ANXA5: variants seen among roughly 807,000 people sequenced by gnomAD.
ANXA5 encodes the protein annexin A5.
Under a neutral mutation model 48.1 loss-of-function variants are expected in ANXA5, and 40 were observed. The ratio of observed to expected loss-of-function variants is 0.83; its 90% CI spans 0.65 to 1.08. The LOEUF (loss-of-function observed/expected upper bound fraction) is 1.08, where lower values mean the gene tolerates loss of function less well. Ranked by LOEUF, ANXA5 falls within the 50% of genes least tolerant of loss-of-function variation. The pLI is 0.00. For synonymous variants in ANXA5, 113 were observed against 129.1 expected (o/e 0.88, Z 0.85); for missense variants, 357 against 376.8 (o/e 0.95, Z 0.44).
intron 3 of ANXA5, 107 bp from the exon 4 acceptor site, chr4:121,684,878 C>T (rs1225701582): frequency 2.1e-5 from 17 of 805,708 alleles, no homozygotes; most frequent in Non-Finnish European, 3.1e-5. Flanking sequence ...TCTCCCTATG[C>T]GAATATAAAA....
In ANXA5 at chr4:121,687,662, T is replaced by TA. The variant is rs1176250686; in HGVS notation, c.10-1291dup. ...TTTAAAAGATGACAACAGAGAGAGA[T>TA]AGCCATGGTGAAGAACTTCCCCAGG... On this transcript the variant is annotated intron_variant, in intron 2 of 12. Transcript: ENST00000296511. 8.5e-5 allele frequency among the ~76,000 whole-genome samples: 13 copies of TA among 152,298 alleles called. No homozygotes were observed. In the East Asian group the frequency reaches 2.1e-3, roughly 25 times the overall value.
chr4:121,677,375 T>C (rs764534199), intron 8 of ANXA5, among the ~76,000 whole-genome samples: 11 of 152,142 alleles, frequency 7.2e-5, no homozygotes, highest in Admixed American at 1.3e-4. Context: ...TATAAGTCAC[T>C]TAAGAGGAAA....
intron 8 of ANXA5, among the ~76,000 whole-genome samples, chr4:121,675,218 G>T (rs976135615): frequency 3.9e-5 from 6 of 152,240 alleles, no homozygotes; most frequent in African/African-American, 7.2e-5. Flanking sequence ...TTAAAAAGTG[G>T]ATTATCTACA....
intron 8 of ANXA5, 118 bp downstream of exon 8, chr4:121,677,776 C>A: frequency 2.2e-6 from 2 of 890,570 alleles, no homozygotes; most frequent in African/African-American, 1.7e-5. Context: ...ATGTAAATAA[C>A]CCATTAACAA....
At chr4:121,675,517 C>A (rs73844250) in intron 8 of ANXA5, among the ~76,000 whole-genome samples, 2 of 152,122 alleles carry the variant, frequency 1.3e-5, no homozygotes, top group African/African-American at 4.8e-5. Context: ...TTGAAAGAAT[C>A]AAAAATAATA....
At position 121,680,012 on chromosome 4, in the gene ANXA5, T is replaced by G. The variant is rs573104129; in HGVS notation, c.395-1518A>C. Among the ~76,000 whole-genome samples, 4 of 152,330 alleles carry G rather than the reference T, an allele frequency of 2.6e-5. No homozygotes were observed. In the East Asian group the frequency reaches 7.7e-4, roughly 29 times the overall value. Reference sequence around the variant, plus strand: ...TATTCATCCTGCCTAACTAAAATCGTGTATGCTTTGACCAATATTTCACCA... The same window carrying G: ...TATTCATCCTGCCTAACTAAAATCGGGTATGCTTTGACCAATATTTCACCA... On this transcript the variant is annotated intron_variant, in intron 6 of 12. Coordinates refer to ENST00000296511, the MANE Select transcript of ANXA5 (RefSeq NM_001154.4).
chr4:121,683,298 G>T, intron 5 of ANXA5, 66 bp downstream of exon 5: 1 of 911,320 alleles, frequency 1.1e-6, no homozygotes, highest in Non-Finnish European at 1.6e-6. Context: ...CAAATAAGAG[G>T]AAGTAATTAC....
intron 7 of ANXA5, 92 bp from the exon 8 acceptor site, chr4:121,678,042 C>T: frequency 1.1e-6 from 1 of 940,000 alleles, no homozygotes. Context: ...CAATAACACT[C>T]TTTCTCTAGG....
At position 121,678,271 on chromosome 4, in the gene ANXA5, C is replaced by A. The variant is rs916180738; in HGVS notation, c.474+144G>T. The A allele has an allele frequency of 1.2e-5, 8 of 682,494 alleles. No individual in the cohort carries two copies. The African/African-American group carries it at 1.3e-4, about 11-fold the overall frequency. 42.3% of individuals were successfully genotyped at this position (682,494 alleles called of 1,614,324 possible). A position where few individuals can be genotyped will look rare whatever the true frequency, so the allele number is the denominator to read the frequency against. On this transcript the variant is annotated intron_variant, in intron 7 of 12. Transcript: ENST00000296511. ...ATTCTGAAACACAAACAAGCACAGGCAACATACAGTCAGAATCATCGCAGT... is the reference window on the plus strand; with the variant it reads ...ATTCTGAAACACAAACAAGCACAGGAAACATACAGTCAGAATCATCGCAGT...
chr4:121,682,258 T>C (rs1456489052), intron 5 of ANXA5, among the ~76,000 whole-genome samples: 1 of 152,118 alleles, frequency 6.6e-6, no homozygotes, highest in Non-Finnish European at 1.5e-5. Flanking sequence ...AAGGTAACAA[T>C]AAATATAGCA....
rs1052361762 is a variant in ANXA5 at position 121,686,344 on chromosome 4, G to A, written c.38C>T (p.Pro13Leu). Residue 13 changes from proline (P) to leucine (L), a missense_variant, in exon 3 of 13, where the codon CCT becomes CTT. By Grantham distance (98) the Pro-to-Leu change is moderately conservative. Coordinates refer to ENST00000296511, the MANE Select transcript of ANXA5 (RefSeq NM_001154.4). Reference protein sequence around the residue: ...QVLRGTVTDFPGFDERADAET... With the variant: ...QVLRGTVTDFLGFDERADAET... ...TGCATCAGCCCGCTCATCAAATCCA[G>A]GGAAGTCAGTCACAGTGCCTCTGAG... The A allele has an allele frequency of 6.2e-7, 1 of 1,613,936 alleles. No homozygotes were observed.
In ANXA5 at chr4:121,672,646, A is replaced by T. The variant is rs561854322; in HGVS notation, c.532-20T>A. 8 of 1,571,002 alleles carry T rather than the reference A, an allele frequency of 5.1e-6. No individual in the cohort carries two copies. The Admixed American group carries it at 6.7e-5, about 13-fold the overall frequency. ...TAAAGCCTGCAAAAATTTCAAACTC[A>T]ATTAATAAATTGTTCCTCCATCTCA... On this transcript the variant is annotated intron_variant, in intron 8 of 12. Transcript: ENST00000296511.
intron 12 of ANXA5, 159 bp downstream of exon 12, chr4:121,669,443 T>C: frequency 1.1e-6 from 1 of 893,604 alleles, no homozygotes; most frequent in Non-Finnish European, 1.7e-6. Context: ...CATCTCTACT[T>C]CAGGAAACAT....
chr4:121,686,728 G>C (rs1202222391), intron 2 of ANXA5, among the ~76,000 whole-genome samples: 1 of 152,032 alleles, frequency 6.6e-6, no homozygotes, highest in South Asian at 2.1e-4. Flanking sequence ...TACTGAGCCC[G>C]CACTAAATCT....
chr4:121,684,999 G>C (rs561032539), intron 3 of ANXA5, among the ~76,000 whole-genome samples: 3 of 147,300 alleles, frequency 2.0e-5, no homozygotes, highest in African/African-American at 7.6e-5. Context: ...GGTCAACATA[G>C]TGAGACCCCC....
At chr4:121,683,559 T>C (rs1041369373) in intron 4 of ANXA5, 82 bp from the exon 5 acceptor site, 41 of 751,012 alleles carry the variant, frequency 5.5e-5, no homozygotes, top group Middle Eastern at 6.7e-4. Context: ...AGTCCTTTGC[T>C]CTAATGAATT....
chr4:121,669,874 A>G, intron 11 of ANXA5, 80 bp downstream of exon 11: 1 of 1,457,216 alleles, frequency 6.9e-7, no homozygotes. Flanking sequence ...AAGGTCTATC[A>G]TCTAAAACAT....
intron 2 of ANXA5, among the ~76,000 whole-genome samples, chr4:121,686,848 A>T (rs1724899782): frequency 6.6e-6 from 1 of 152,212 alleles, no homozygotes; most frequent in Non-Finnish European, 1.5e-5. Context: ...AACCCAGCAA[A>T]GCCTGAAATG....
At chr4:121,682,731 G>A (rs78661950) in intron 5 of ANXA5, among the ~76,000 whole-genome samples, 18,175 of 152,016 alleles carry the variant, frequency 0.12, 1,112 homozygotes, top group South Asian at 0.16. Context: ...AAATCTCAAT[G>A]TGCCCATTCA....
Sources: gnomAD v4.1 joint callset for allele counts (sites outside exome capture counted in the v4.1 genomes callset) on GRCh38, gnomAD v4.1.1 for gene constraint, MANE v1.5 for transcripts, NCBI Gene and HGNC (gene_info 2026-07-23, HGNC 2026-07-21) for gene names.